Variants in BEST1 observed in about 807,000 individuals in gnomAD.
BEST1 encodes bestrophin 1, also known as bestrophin-1.
BEST1 carries 58 observed loss-of-function variants against 63.3 expected under a neutral mutation model. The ratio of observed to expected loss-of-function variants is 0.92; its 90% CI spans 0.74 to 1.14. The LOEUF (loss-of-function observed/expected upper bound fraction) is 1.14, where lower values mean the gene tolerates loss of function less well. Ranked by LOEUF, BEST1 falls within the 50% of genes most tolerant of loss-of-function variation. The pLI, the probability that BEST1 is intolerant of heterozygous loss-of-function variation, is 0.00. For synonymous variants in BEST1, 283 were observed against 291.6 expected, an observed-to-expected ratio of 0.97 and a Z score of 0.30; for missense variants, 671 against 740.1, an observed-to-expected ratio of 0.91 and a Z score of 1.08.
chr11:61,955,492 T>A (rs1016649251), intron 3 of BEST1: 1 of 1,172,040 alleles, frequency 8.5e-7, no homozygotes, highest in African/African-American at 1.6e-5. Flanking sequence ...TCTGGCGGAT[T>A]TCTGGGACCA....
intron 3 of BEST1, chr11:61,955,488 G>A (rs1941209169): frequency 8.4e-7 from 1 of 1,183,614 alleles, no homozygotes. Context: ...GGGGTCTGGC[G>A]GATTTCTGGG....
chr11:61,954,996 G>T, intron 2 of BEST1, 111 bp from the exon 3 acceptor site: 1 of 1,542,806 alleles, frequency 6.5e-7, no homozygotes, highest in Non-Finnish European at 8.7e-7. Context: ...GGAAAATGTG[G>T]GATAGCATCG....
rs758792743 is a variant in BEST1 at position 61,958,166 on chromosome 11, C to G, written c.735C>G (p.Tyr245Ter). ...VYTQVVTVAV[Y>*]SFFLTCLVGR... The stretch of plus-strand genomic sequence containing the variant: ...CCCAGGTGGTGACTGTGGCGGTGTA[C>G]AGCTTCTTCCTGACTTGTCTAGTTG... The change falls in exon 7 of 11, where the codon TAC becomes TAG. Residue 245 changes from tyrosine to a stop codon, truncating the protein, a stop_gained. Transcript: ENST00000378043. LOFTEE classifies it high-confidence loss of function. The G allele has an allele frequency of 3.1e-6, 5 of 1,613,722 alleles. No individual in the cohort carries two copies. The highest frequency in any genetic ancestry group is 4.2e-6 in the Non-Finnish European group (5 of 1,179,998).
At position 61,955,186 on chromosome 11, in the gene BEST1, A is replaced by G. The variant is rs1333592387; in HGVS notation, c.232A>G (p.Ile78Val). 1 of 1,613,264 alleles carries G rather than the reference A, an allele frequency of 6.2e-7. No individual in the cohort carries two copies. The highest frequency in any genetic ancestry group is 8.5e-7 in the Non-Finnish European group (1 of 1,179,622). The change falls in exon 3 of 11, where the codon ATT becomes GTT. Residue 78 changes from isoleucine (I) to valine (V), a missense_variant. Ile to Val is a conservative substitution (Grantham distance 29). Coordinates refer to ENST00000378043, the MANE Select transcript of BEST1 (RefSeq NM_004183.4). ...YCDSYIQLIPISFVLGFYVTL... is the reference protein window; with the variant it reads ...YCDSYIQLIPVSFVLGFYVTL... ...CGACAGCTACATCCAGCTCATCCCC[A>G]TTTCCTTCGTGCTGGGTGAGTTCCC...
rs2134430751 is a variant in BEST1, at chr11:61,955,824, C to T, written c.354C>T (p.Asp118=). The stretch of plus-strand genomic sequence containing the variant: ...TGTCGGGCTTCGTCGAAGGCAAGGA[C>T]GAGCAAGGCCGGCTGCTGCGGCGCA... ...SLVSGFVEGK[D]EQGRLLRRTL... The change falls in exon 4 of 11, where the codon GAC becomes GAT. Residue 118 remains aspartate (D), a synonymous_variant. Transcript: ENST00000378043. 1.3e-6 allele frequency: 2 copies of T among 1,550,562 alleles called. No homozygotes were observed. Among genetic ancestry groups the T allele is most frequent in the South Asian group, 2.4e-5 (2 of 84,076 alleles).
intron 4 of BEST1, 77 bp from the exon 5 acceptor site, chr11:61,956,767 T>G: frequency 6.4e-7 from 1 of 1,574,800 alleles, no homozygotes; most frequent in Non-Finnish European, 8.7e-7. Flanking sequence ...AGTGCTGAGG[T>G]TCCTATAGGT....
At chr11:61,957,941 T>A (rs1941564170) in intron 6 of BEST1, among the ~76,000 whole-genome samples, 1 of 151,416 alleles carries the variant, frequency 6.6e-6, no homozygotes, top group Non-Finnish European at 1.5e-5. Flanking sequence ...GCCACTGCAC[T>A]CCAGCCTGGG....
intron 3 of BEST1, 35 bp downstream of exon 3, chr11:61,955,236 T>G: frequency 6.9e-7 from 1 of 1,444,074 alleles, no homozygotes; most frequent in Non-Finnish European, 9.3e-7. Flanking sequence ...CGGGTCCCTG[T>G]GGCCGCCCAG....
intron 9 of BEST1, chr11:61,961,880 C>A: frequency 3.9e-6 from 1 of 259,656 alleles, no homozygotes; most frequent in African/African-American, 2.2e-5. Context: ...CTGGCATTGC[C>A]CAGAGTCACT....
At chr11:61,963,315 C>T in intron 10 of BEST1, 1 of 1,354,198 alleles carries the variant, frequency 7.4e-7, no homozygotes. Flanking sequence ...TCCCCCATAA[C>T]TATTTAGGGT....
rs186544610 is a variant in BEST1 at position 61,956,870 on chromosome 11, C to T, written c.508C>T (p.Gln170Ter). 2 of 1,614,134 alleles carry T rather than the reference C, an allele frequency of 1.2e-6. No individual in the cohort carries two copies. The highest frequency in any genetic ancestry group is 1.7e-5 in the Admixed American group (1 of 60,024). ...AGFMTPAEHK[Q>*]LEKLSLPHNM... is the part of the protein sequence containing the mutation. ...CTTTATGACTCCGGCAGAACACAAG[C>T]AGTTGGAGAAACTGAGCCTACCACA... Residue 170 changes from glutamine to a stop codon, truncating the protein, a stop_gained, in exon 5 of 11, where the codon CAG becomes TAG. Transcript: ENST00000378043. LOFTEE classifies it high-confidence loss of function.
intron 7 of BEST1, 190 bp from the exon 8 acceptor site, chr11:61,959,308 G>A (rs1255157430): frequency 3.1e-6 from 2 of 648,660 alleles, no homozygotes; most frequent in Admixed American, 2.2e-5. Context: ...GAGTTAGAGG[G>A]GCTGTGTCCA....
chr11:61,965,294 G>C (rs1942426275), downstream of BEST1: 10 of 1,600,634 alleles, frequency 6.2e-6, no homozygotes, highest in South Asian at 9.9e-5. Flanking sequence ...AAGGGCAATT[G>C]CTAGTTTAAG....
In BEST1 at chr11:61,955,209, C is replaced by G. The variant is rs754401867; in HGVS notation, c.247+8C>G. The G allele has an allele frequency of 6.8e-6, 11 of 1,614,164 alleles. No individual in the cohort carries two copies. In the East Asian group the frequency reaches 2.5e-4, roughly 36 times the overall value. On this transcript the variant is annotated splice_region_variant and intron_variant, in intron 3 of 10. Coordinates refer to ENST00000378043, the MANE Select transcript of BEST1 (RefSeq NM_004183.4). ...CCATTTCCTTCGTGCTGGGTGAGTT[C>G]CCCCTTCTGGCTGTTCCGGGTCCCT... is the stretch of plus-strand genomic sequence containing the variant.
At position 61,962,640 on chromosome 11, in the gene BEST1, G is replaced by A. The variant is rs1473480899; in HGVS notation, c.1486G>A (p.Asp496Asn). The A allele has an allele frequency of 6.2e-7, 1 of 1,614,190 alleles. No homozygotes were observed. The highest frequency in any genetic ancestry group is 2.2e-5 in the East Asian group (1 of 44,888). ...PSKLHSVTGI[D>N]TKDKSLKTVS... ...AAAGCTTCACAGTGTCACAGGCATA[G>A]ACACCAAAGACAAAAGCTTAAAGAC... Residue 496 changes from aspartate to asparagine, a missense_variant, in exon 10 of 11, where the codon GAC becomes AAC. By Grantham distance (23) the Asp-to-Asn change is conservative (BLOSUM62 1). Transcript: ENST00000378043.
At chr11:61,963,151 G>A in intron 10 of BEST1, 1 of 1,453,558 alleles carries the variant, frequency 6.9e-7, no homozygotes, top group African/African-American at 1.4e-5. Flanking sequence ...GGAAGATGAG[G>A]TTGTGCTGAC....
intron 7 of BEST1, chr11:61,958,538 C>A: frequency 2.0e-6 from 2 of 994,260 alleles, no homozygotes; most frequent in Non-Finnish European, 1.5e-6. Flanking sequence ...CCAGCCTGGG[C>A]AAAAGAATGA....
intron 10 of BEST1, chr11:61,963,168 G>T: frequency 6.9e-7 from 1 of 1,443,492 alleles, no homozygotes. Context: ...TGACCAGAAT[G>T]CTGCTGGAGA....
rs955373855 is a variant in BEST1, at chr11:61,964,389, T to C, written c.*267T>C. On this transcript the variant is annotated 3_prime_UTR_variant, in exon 11 of 11. Transcript: ENST00000378043. ...ATTCAGAGTCGGGAACCCTTAGTTC[T>C]ATCTGAATCCAAGACAGCCACACCT... 4.4e-6 allele frequency: 3 copies of C among 675,326 alleles called. No individual in the cohort carries two copies. The highest frequency in any genetic ancestry group is 7.4e-6 in the Non-Finnish European group (3 of 407,836). The allele number at this position is 675,326 out of a possible 1,614,324, so 41.8% of individuals were successfully genotyped here.
Sources: allele counts gnomAD v4.1 joint callset (sites outside exome capture counted in the v4.1 genomes callset), GRCh38; gene constraint gnomAD v4.1.1; transcripts MANE v1.5; gene names NCBI Gene and HGNC (gene_info 2026-07-23, HGNC 2026-07-21).